The following ERG variants were observed in gnomAD, a reference collection of about 807,000 sequenced individuals.
ERG encodes the protein transcriptional regulator ERG.
In ERG, 9 loss-of-function variants were observed where a neutral mutation model predicts 55.3. The ratio of observed to expected loss-of-function variants is 0.16; its 90% CI spans 0.10 to 0.28. The LOEUF (loss-of-function observed/expected upper bound fraction) is 0.28, where lower values mean the gene tolerates loss of function less well. ERG is among the 10% of genes least tolerant of loss of function. ERG has a pLI of 1.00. For missense variants in ERG, 434 were observed against 631.6 expected (o/e 0.69, Z 3.35); for synonymous variants, 223 against 237.3 (o/e 0.94, Z 0.55).
At chr21:38,577,806 T>G (rs546539159) in intron 1 of ERG, among the ~76,000 whole-genome samples, 43 of 152,248 alleles carry the variant, frequency 2.8e-4, no homozygotes, top group African/African-American at 8.7e-4. Flanking sequence ...TGTCTGGACA[T>G]TCTCTCTGGA....
intron 2 of ERG, among the ~76,000 whole-genome samples, chr21:38,429,350 A>C: frequency 6.7e-6 from 1 of 150,184 alleles, no homozygotes; most frequent in Admixed American, 6.7e-5. Flanking sequence ...ATATGCACAC[A>C]TATACATATA....
intron 1 of ERG, among the ~76,000 whole-genome samples, chr21:38,583,681 A>T (rs1465624386): frequency 6.6e-6 from 1 of 152,202 alleles, no homozygotes; most frequent in African/African-American, 2.4e-5. Flanking sequence ...GAGGCAATCA[A>T]ATTAAAGTGA....
Position 38,387,393 on chromosome 21 carries a change from A to T in ERG, c.920-3470T>A, listed in dbSNP as rs534897928. 1.8e-4 allele frequency among the ~76,000 whole-genome samples: 28 copies of T among 152,284 alleles called. No homozygotes were observed. In the South Asian group the frequency reaches 5.8e-3, roughly 32 times the overall value. ...CCCCGAGGCTCAGTGAGGCTCAGGC[A>T]CCACTTACTGGAGGGGCAGGAAAGC... On this transcript the variant is annotated intron_variant, in intron 9 of 9. Coordinates refer to ENST00000288319, the MANE Select transcript of ERG (RefSeq NM_182918.4).
rs1425323523 is a variant in ERG, at chr21:38,403,509, C to G, written c.589G>C (p.Glu197Gln). ...ILLSHLHYLR[E>Q]TPLPHLTSDD... ...CTTGGAGGAAGGGGGAGCTTACTCT[C>G]TCTGAGGTAGTGGAGATGTGAGAGA... The change falls in exon 4 of 10, where the codon GAG becomes CAG. Residue 197 changes from glutamate to glutamine, a missense_variant. Physicochemically the swap from Glu to Gln is conservative, Grantham distance 29 (BLOSUM62 2). Coordinates refer to ENST00000288319, the MANE Select transcript of ERG (RefSeq NM_182918.4). 2.4e-5 allele frequency: 38 copies of G among 1,614,092 alleles called. No homozygotes were observed. Among genetic ancestry groups the G allele is most frequent in the Non-Finnish European group, 3.2e-5 (38 of 1,179,980 alleles).
At chr21:38,623,750 C>A (rs1013071) in intron 1 of ERG, among the ~76,000 whole-genome samples, 10,069 of 152,212 alleles carry the variant, frequency 0.066, 598 homozygotes, top group African/African-American at 0.16. Context: ...TGCCACCAGC[C>A]CAGCAGGGGT....
intron 1 of ERG, among the ~76,000 whole-genome samples, chr21:38,580,720 T>C (rs1375573746): frequency 6.6e-6 from 1 of 152,142 alleles, no homozygotes; most frequent in East Asian, 1.9e-4. Flanking sequence ...TCTTACTAAA[T>C]AGAAACAAAC....
intron 1 of ERG, among the ~76,000 whole-genome samples, chr21:38,461,930 G>C (rs1262335556): frequency 6.6e-6 from 1 of 152,036 alleles, no homozygotes; most frequent in Non-Finnish European, 1.5e-5. Context: ...TCAGCCTCCT[G>C]AATAGCTGGG....
intron 2 of ERG, among the ~76,000 whole-genome samples, chr21:38,425,417 G>T (rs907369865): frequency 6.6e-6 from 1 of 151,854 alleles, no homozygotes; most frequent in Admixed American, 6.6e-5. Context: ...GAAAGAAAGA[G>T]AGAGAGAAAG....
chr21:38,564,082 G>GA (rs763523130), intron 2 of ERG, among the ~76,000 whole-genome samples: 5,291 of 144,620 alleles, frequency 0.037, 282 homozygotes, highest in African/African-American at 0.11. Flanking sequence ...GGGACTAAGA[G>GA]AAAAAAAAAA....
chr21:38,466,300 G>GGT (rs145670035), intron 1 of ERG, among the ~76,000 whole-genome samples: 30,890 of 140,502 alleles, frequency 0.22, 3,191 homozygotes, highest in East Asian at 0.28. Context: ...GATGGTCTGG[G>GGT]GTGTGTGTGT....
chr21:38,419,988 G>A lies in ERG; in HGVS notation c.388+3422C>T, dbSNP rs140727138. On this transcript the variant is annotated intron_variant, in intron 3 of 9. Coordinates refer to ENST00000288319, the MANE Select transcript of ERG (RefSeq NM_182918.4). ...CTGCTATCTCTAGTGTGTAAACATC[G>A]GCATGTATTGATGATGGTACAAATG... 1.9e-3 allele frequency among the ~76,000 whole-genome samples: 293 copies of A among 151,628 alleles called. 1 individual carries two copies. Among genetic ancestry groups the A allele is most frequent in the Middle Eastern group, 0.014 (4 of 290 alleles).
intron 1 of ERG, among the ~76,000 whole-genome samples, chr21:38,590,938 T>C (rs1475883367): frequency 1.3e-5 from 2 of 152,234 alleles, no homozygotes; most frequent in East Asian, 3.8e-4. Context: ...ACAGAAATTC[T>C]GCAATCCTTC....
intron 1 of ERG, among the ~76,000 whole-genome samples, chr21:38,473,173 AAAAAAAG>A (rs1487230072): frequency 6.6e-6 from 1 of 151,978 alleles, no homozygotes; most frequent in Non-Finnish European, 1.5e-5. Context: ...AAAAAAAAAA[AAAAAAAG>A]GCTTAGAGAC....
chr21:38,504,476 G>T (rs1019240821), intron 2 of ERG, among the ~76,000 whole-genome samples: 1 of 152,154 alleles, frequency 6.6e-6, no homozygotes, highest in African/African-American at 2.4e-5. Flanking sequence ...TAATTATTTT[G>T]TCACCATTAT....
chr21:38,518,482 T>G (rs1447398506), intron 2 of ERG, among the ~76,000 whole-genome samples: 1 of 152,038 alleles, frequency 6.6e-6, no homozygotes, highest in African/African-American at 2.4e-5. Context: ...CACACTTGAT[T>G]TTTGACGAAG....
chr21:38,597,517 A>G (rs966169247), intron 1 of ERG, among the ~76,000 whole-genome samples: 1 of 151,096 alleles, frequency 6.6e-6, no homozygotes, highest in Admixed American at 6.6e-5. Flanking sequence ...AGAGAAAGAG[A>G]GAGAGGGAGA....
At chr21:38,566,551 C>T (rs970433760) in intron 2 of ERG, among the ~76,000 whole-genome samples, 2 of 152,184 alleles carry the variant, frequency 1.3e-5, no homozygotes, top group African/African-American at 4.8e-5. Flanking sequence ...ACAAGTGTCA[C>T]TTCTCTTCTG....
chr21:38,376,346 G>A (rs532421059), downstream of ERG, among the ~76,000 whole-genome samples: 10 of 152,240 alleles, frequency 6.6e-5, no homozygotes, highest in East Asian at 1.9e-3. Context: ...TCCATGGGAC[G>A]GACACTCAGT....
chr21:38,385,787 A>C lies in ERG; in HGVS notation c.920-1864T>G, dbSNP rs187706011. Among the ~76,000 whole-genome samples, 68 of 152,336 alleles carry C rather than the reference A, an allele frequency of 4.5e-4. No individual in the cohort carries two copies. The East Asian group carries it at 0.012, about 26-fold the overall frequency. Reference sequence around the variant, plus strand: ...AAAATACAAAGAATGGTATGAGAAAACCATATGGTCTTAGTATATATATTG... The same window carrying C: ...AAAATACAAAGAATGGTATGAGAAACCCATATGGTCTTAGTATATATATTG... On this transcript the variant is annotated intron_variant, in intron 9 of 9. Coordinates refer to ENST00000288319, the MANE Select transcript of ERG (RefSeq NM_182918.4).
Sources: gnomAD v4.1 joint callset for allele counts (sites outside exome capture counted in the v4.1 genomes callset) on GRCh38, gnomAD v4.1.1 for gene constraint, MANE v1.5 for transcripts, NCBI Gene and HGNC (gene_info 2026-07-23, HGNC 2026-07-21) for gene names.